The following MED13 variants were observed in gnomAD, a reference collection of about 807,000 sequenced individuals.
The protein encoded by MED13 is mediator complex subunit 13.
Under a neutral mutation model 225.2 loss-of-function variants are expected in MED13, and 23 were observed. The observed-to-expected ratio is 0.10, with a 90% CI of 0.07 to 0.14. The LOEUF (loss-of-function observed/expected upper bound fraction) is 0.14. Ranked by LOEUF, MED13 falls within the 10% of genes least tolerant of loss-of-function variation. MED13 has a pLI of 1.00. For missense variants in MED13, 2,197 were observed against 2,594.5 expected, an observed-to-expected ratio of 0.85 and a Z score of 3.33; for synonymous variants, 942 against 889.2, an observed-to-expected ratio of 1.06 and a Z score of -1.06.
intron 16 of MED13, among the ~76,000 whole-genome samples, chr17:61,977,193 T>C (rs1278783873): frequency 3.9e-5 from 6 of 152,154 alleles, no homozygotes; most frequent in Non-Finnish European, 4.4e-5. Flanking sequence ...TAATAAATTT[T>C]ATTATGTTAG....
chr17:61,977,664 G>A (rs1478592433), intron 16 of MED13, among the ~76,000 whole-genome samples: 1 of 152,150 alleles, frequency 6.6e-6, no homozygotes, highest in Non-Finnish European at 1.5e-5. Flanking sequence ...TGTTAGCCAG[G>A]ATGTTCTTGA....
chr17:61,989,487 C>T (rs780728832), intron 11 of MED13, among the ~76,000 whole-genome samples: 37 of 151,920 alleles, frequency 2.4e-4, no homozygotes, highest in East Asian at 3.9e-4. Flanking sequence ...TACAGGTGCA[C>T]GCCACCACAC....
chr17:62,008,015 T>TTAA (rs2080468431), intron 9 of MED13, among the ~76,000 whole-genome samples: 1 of 44,276 alleles, frequency 2.3e-5, no homozygotes, highest in Admixed American at 2.6e-4. Context: ...CGAGACTGTC[T>TTAA]CAAAAAAAAA....
At chr17:62,029,318 C>G in intron 8 of MED13, 1 of 525,188 alleles carries the variant, frequency 1.9e-6, no homozygotes, top group East Asian at 3.0e-5. Context: ...GGAAACAAAA[C>G]TTTCAGAGTC....
At chr17:62,015,084 A>T (rs1472748494) in intron 8 of MED13, among the ~76,000 whole-genome samples, 1 of 152,226 alleles carries the variant, frequency 6.6e-6, no homozygotes, top group Non-Finnish European at 1.5e-5. Flanking sequence ...GCAGGAGACA[A>T]CTAAAAGGAG....
At chr17:61,958,402 G>T (rs2079968190) in intron 23 of MED13, among the ~76,000 whole-genome samples, 1 of 150,604 alleles carries the variant, frequency 6.6e-6, no homozygotes, top group Non-Finnish European at 1.5e-5. Context: ...GCAGTGGTGT[G>T]ATCTCGGCTC....
chr17:62,000,909 C>T (rs367611515), intron 9 of MED13, among the ~76,000 whole-genome samples: 49 of 151,990 alleles, frequency 3.2e-4, no homozygotes, highest in African/African-American at 1.1e-3. Context: ...ATTACAGGCG[C>T]CTGCCACCAC....
chr17:61,961,154 A>G, intron 22 of MED13, 64 bp from the exon 23 acceptor site: 1 of 1,309,758 alleles, frequency 7.6e-7, no homozygotes, highest in Non-Finnish European at 1.1e-6. Flanking sequence ...TGCATTTAAA[A>G]TGTAATTCTT....
chr17:62,041,640 G>C (rs2080853789), intron 3 of MED13, among the ~76,000 whole-genome samples: 1 of 152,030 alleles, frequency 6.6e-6, no homozygotes, highest in African/African-American at 2.4e-5. Context: ...GCAGTGGCAT[G>C]ATCAGAATTC....
chr17:61,975,676 A>G (rs115694893), intron 16 of MED13, among the ~76,000 whole-genome samples: 1,997 of 152,008 alleles, frequency 0.013, 42 homozygotes, highest in African/African-American at 0.046. Context: ...CCAAGATCGT[A>G]CCCCACTGCA....
intron 23 of MED13, among the ~76,000 whole-genome samples, chr17:61,959,831 T>G (rs2079982881): frequency 6.6e-6 from 1 of 150,998 alleles, no homozygotes; most frequent in Admixed American, 6.6e-5. Context: ...TGGGCTCAAG[T>G]GATCCTTCTG....
chr17:61,947,911 A>C (rs2079864234), intron 28 of MED13, among the ~76,000 whole-genome samples: 1 of 152,094 alleles, frequency 6.6e-6, no homozygotes, highest in Non-Finnish European at 1.5e-5. Context: ...ACACTGTATA[A>C]GGTACTATTT....
At chr17:62,056,594 T>C (rs985614378) in intron 2 of MED13, among the ~76,000 whole-genome samples, 1 of 127,274 alleles carries the variant, frequency 7.9e-6, no homozygotes, top group African/African-American at 3.7e-5. Flanking sequence ...AGACCCTGAC[T>C]CCAAAAAACT....
intron 16 of MED13, among the ~76,000 whole-genome samples, chr17:61,976,965 C>T (rs1009392138): frequency 6.6e-6 from 1 of 151,998 alleles, no homozygotes; most frequent in Non-Finnish European, 1.5e-5. Flanking sequence ...AGAAAAAATA[C>T]ATATATATAC....
chr17:62,001,317 T>TG (rs2143543712), intron 9 of MED13, among the ~76,000 whole-genome samples: 1 of 152,312 alleles, frequency 6.6e-6, no homozygotes, highest in South Asian at 2.1e-4. Context: ...ATCTATAACA[T>TG]TCATACATCC....
chr17:61,993,200 C>CTT (rs964200883), intron 10 of MED13, among the ~76,000 whole-genome samples: 40 of 107,658 alleles, frequency 3.7e-4, no homozygotes, highest in Non-Finnish European at 4.5e-4. Context: ...TTCTTTCTTT[C>CTT]TTTTTTTTTT....
At chr17:62,062,741 A>G (rs1336840269) in intron 2 of MED13, among the ~76,000 whole-genome samples, 1 of 152,154 alleles carries the variant, frequency 6.6e-6, no homozygotes, top group East Asian at 1.9e-4. Context: ...AAACTATTAC[A>G]CGACTTTGTT....
intron 27 of MED13, among the ~76,000 whole-genome samples, chr17:61,951,323 C>A (rs1480891750): frequency 3.9e-5 from 6 of 152,006 alleles, no homozygotes; most frequent in Admixed American, 3.9e-4. Flanking sequence ...AACTTTTTTG[C>A]TAATATTCCT....
At chr17:61,969,875 T>G (rs1936231321) in intron 17 of MED13, among the ~76,000 whole-genome samples, 1 of 152,148 alleles carries the variant, frequency 6.6e-6, no homozygotes, top group South Asian at 2.1e-4. Context: ...GTGCTGGGAT[T>G]ACAGGCGTGA....
Sources: gnomAD v4.1 joint callset for allele counts (sites outside exome capture counted in the v4.1 genomes callset) on GRCh38, gnomAD v4.1.1 for gene constraint, MANE v1.5 for transcripts, NCBI Gene and HGNC (gene_info 2026-07-23, HGNC 2026-07-21) for gene names.